The following PARN variants were observed in gnomAD, a reference collection of about 807,000 sequenced individuals.
PARN encodes the protein poly(A)-specific ribonuclease, also known as poly(A)-specific ribonuclease PARN.
PARN carries 71 observed loss-of-function variants against 102.8 expected under a neutral mutation model. The ratio of observed to expected loss-of-function variants is 0.69; its 90% CI spans 0.57 to 0.84. PARN has a LOEUF of 0.84. Among genes scored for constraint, PARN ranks in the 40% least tolerant of loss-of-function variants. The pLI, the probability that PARN is intolerant of heterozygous loss-of-function variation, is 0.00. For missense variants in PARN, 782 were observed against 760.9 expected (o/e 1.03, Z -0.33); for synonymous variants, 261 against 252.9 (o/e 1.03, Z -0.30).
intron 18 of PARN, among the ~76,000 whole-genome samples, chr16:14,576,433 C>T (rs1969143834): frequency 1.3e-5 from 2 of 152,266 alleles, no homozygotes; most frequent in African/African-American, 4.8e-5. Flanking sequence ...ACAACCTTCC[C>T]GAAAACCTTC....
intron 19 of PARN, 98 bp from the exon 20 acceptor site, chr16:14,554,249 C>G (rs1275794734): frequency 5.2e-6 from 4 of 770,578 alleles, no homozygotes; most frequent in Non-Finnish European, 8.6e-6. Context: ...ATTTGGAGAA[C>G]TGTTATGAAT....
In PARN at chr16:14,610,470, C is replaced by CA. The variant is rs554927448; in HGVS notation, c.554+173dup. 0.24 allele frequency among the ~76,000 whole-genome samples: 22,281 copies of CA among 91,044 alleles called. 2,358 individuals are homozygous for CA. The highest frequency in any genetic ancestry group is 0.43 in the Middle Eastern group (70 of 164). The allele number at this position is 91,044 out of a possible 152,430, so 59.7% of individuals were successfully genotyped here. ...CCTGGGCAAAAGAGCAAGACTGTCT[C>CA]AAAAAAAAAAAAAAAAAAATTTTTT... On this transcript the variant is annotated intron_variant, in intron 7 of 23. Coordinates refer to ENST00000437198, the MANE Select transcript of PARN (RefSeq NM_002582.4).
intron 13 of PARN, among the ~76,000 whole-genome samples, chr16:14,591,200 C>A (rs1284076781): frequency 6.6e-6 from 1 of 151,594 alleles, no homozygotes; most frequent in Non-Finnish European, 1.5e-5. Context: ...ACCATCCTGG[C>A]CAACATGGTG....
intron 21 of PARN, among the ~76,000 whole-genome samples, chr16:14,540,872 G>C (rs556567203): frequency 3.9e-5 from 6 of 152,248 alleles, no homozygotes; most frequent in Non-Finnish European, 7.4e-5. Flanking sequence ...GACTGCTTGA[G>C]CCCAGGAGGT....
At chr16:14,500,415 A>G (rs1964524534) in intron 21 of PARN, among the ~76,000 whole-genome samples, 1 of 151,866 alleles carries the variant, frequency 6.6e-6, no homozygotes. Context: ...TGTTTTTTTA[A>G]GACAGGGTCT....
rs570587937 is a variant in PARN at position 14,496,566 on chromosome 16, A to C, written c.1481-13739T>G. ...ACCTAAGCAATTTACAACATTCTTC[A>C]CACTTCATGGCAGAAAATTAAGATT... On this transcript the variant is annotated intron_variant, in intron 21 of 23. Coordinates refer to ENST00000437198, the MANE Select transcript of PARN (RefSeq NM_002582.4). Among the ~76,000 whole-genome samples, 8 of 152,352 alleles carry C rather than the reference A, an allele frequency of 5.3e-5. No individual in the cohort carries two copies. The South Asian group carries it at 1.7e-3, about 32-fold the overall frequency.
chr16:14,609,659 C>T (rs1340517064), intron 7 of PARN, among the ~76,000 whole-genome samples: 1 of 152,214 alleles, frequency 6.6e-6, no homozygotes, highest in Non-Finnish European at 1.5e-5. Flanking sequence ...GTGACAACTT[C>T]TCAAGGACTC....
intron 22 of PARN, among the ~76,000 whole-genome samples, chr16:14,466,708 T>C (rs1287397696): frequency 6.6e-6 from 1 of 152,246 alleles, no homozygotes; most frequent in Non-Finnish European, 1.5e-5. Flanking sequence ...ACTGTGGTAT[T>C]ACTACATTCC....
At chr16:14,595,375 TTTA>T (rs992604867) in intron 12 of PARN, among the ~76,000 whole-genome samples, 4 of 152,018 alleles carry the variant, frequency 2.6e-5, no homozygotes, top group Non-Finnish European at 4.4e-5. Flanking sequence ...CACACACTTA[TTTA>T]TTTAGAGACA....
intron 13 of PARN, 136 bp from the exon 14 acceptor site, chr16:14,586,497 T>C (rs1969864300): frequency 3.5e-6 from 2 of 574,654 alleles, no homozygotes; most frequent in Non-Finnish European, 6.3e-6. Flanking sequence ...ACAAAACCCA[T>C]TTCTAGTTAA....
chr16:14,553,975 T>C (rs1967492175), intron 20 of PARN, 90 bp downstream of exon 20: 3 of 760,352 alleles, frequency 3.9e-6, no homozygotes, highest in South Asian at 3.4e-5. Flanking sequence ...CATTCTTTTA[T>C]ACGCAGGCCA....
chr16:14,536,910 C>T (rs1299329578), intron 21 of PARN, among the ~76,000 whole-genome samples: 1 of 151,924 alleles, frequency 6.6e-6, no homozygotes, highest in African/African-American at 2.4e-5. Flanking sequence ...GCTAAGACTT[C>T]GAAGCACAGG....
At chr16:14,450,462 G>A (rs904078531) in intron 22 of PARN, among the ~76,000 whole-genome samples, 3 of 152,070 alleles carry the variant, frequency 2.0e-5, no homozygotes, top group African/African-American at 7.2e-5. Flanking sequence ...TTGGAGATAC[G>A]GGTTTAGGCT....
At chr16:14,592,691 C>T (rs1447494676) in intron 13 of PARN, among the ~76,000 whole-genome samples, 1 of 152,144 alleles carries the variant, frequency 6.6e-6, no homozygotes, top group African/African-American at 2.4e-5. Context: ...AATGGCCCTG[C>T]TATGTCTAAT....
At chr16:14,546,503 G>T (rs1966953324) in intron 21 of PARN, among the ~76,000 whole-genome samples, 1 of 152,140 alleles carries the variant, frequency 6.6e-6, no homozygotes, top group Non-Finnish European at 1.5e-5. Flanking sequence ...CTCTTCTAAA[G>T]TGTCTTTATC....
intron 22 of PARN, among the ~76,000 whole-genome samples, chr16:14,462,650 G>GAGAAGA (rs146679843): frequency 6.2e-4 from 93 of 150,728 alleles, no homozygotes; most frequent in African/African-American, 1.7e-3. Context: ...GAGACAGAGA[G>GAGAAGA]AGAAGAAGAA....
intron 9 of PARN, among the ~76,000 whole-genome samples, chr16:14,606,924 G>A (rs949517231): frequency 6.6e-6 from 1 of 151,868 alleles, no homozygotes; most frequent in Non-Finnish European, 1.5e-5. Context: ...TGGGACTATA[G>A]GCACCTGCCA....
At chr16:14,443,634 C>T (rs1406601938) in intron 23 of PARN, among the ~76,000 whole-genome samples, 1 of 152,150 alleles carries the variant, frequency 6.6e-6, no homozygotes, top group African/African-American at 2.4e-5. Flanking sequence ...CCACTGTACC[C>T]GGTAAGATTA....
At chr16:14,483,505 T>C (rs1963491296) in intron 21 of PARN, among the ~76,000 whole-genome samples, 1 of 152,208 alleles carries the variant, frequency 6.6e-6, no homozygotes, top group Non-Finnish European at 1.5e-5. Flanking sequence ...ACTCTGCATC[T>C]ATTGGAGGTG....
Sources: gnomAD v4.1 joint callset for allele counts (sites outside exome capture counted in the v4.1 genomes callset) on GRCh38, gnomAD v4.1.1 for gene constraint, MANE v1.5 for transcripts, NCBI Gene and HGNC (gene_info 2026-07-23, HGNC 2026-07-21) for gene names.